Variants in STIP1 observed in about 807,000 individuals in gnomAD.
The protein encoded by STIP1 is stress-induced-phosphoprotein 1.
Under a neutral mutation model 77.4 loss-of-function variants are expected in STIP1, and 16 were observed. That is an observed-to-expected ratio of 0.21 (90% confidence interval 0.14 to 0.31). STIP1 has a LOEUF of 0.31. STIP1 is among the 10% of genes least tolerant of loss of function. The probability of loss-of-function intolerance (pLI) is 1.00; values close to 1 mark genes in which losing one functional copy is unlikely to be tolerated. For synonymous variants in STIP1, 258 were observed against 246.6 expected, an observed-to-expected ratio of 1.05 and a Z score of -0.44; for missense variants, 524 against 684.8, an observed-to-expected ratio of 0.77 and a Z score of 2.62.
chr11:64,185,681 C>T, upstream of STIP1: 6 of 1,177,960 alleles, frequency 5.1e-6, no homozygotes, highest in Middle Eastern at 2.6e-4. Flanking sequence ...CAGCTACAGA[C>T]CCCGACTGCA....
At chr11:64,190,672 A>G (rs553669902) in intron 1 of STIP1, among the ~76,000 whole-genome samples, 1 of 152,332 alleles carries the variant, frequency 6.6e-6, no homozygotes, top group East Asian at 1.9e-4. Context: ...AGAATGAGTT[A>G]GTAACTTCGG....
rs374883320 is a variant in STIP1, at chr11:64,196,799, G to T, written c.673-472G>T. ...GTCTCAGCTGGAAAAAGGCCCTCCA[G>T]TGTGGGCGGTAGTGAGCTTTGCTGA... is the stretch of plus-strand genomic sequence containing the variant. On this transcript the variant is annotated intron_variant, in intron 5 of 13. Transcript: ENST00000305218. 1.3e-4 allele frequency: 20 copies of T among 159,682 alleles called. No homozygotes were observed. The East Asian group carries it at 2.2e-3, about 17-fold the overall frequency. The allele number at this position is 159,682 out of a possible 1,614,324, so 9.9% of individuals were successfully genotyped here.
In STIP1 at chr11:64,204,050, G is replaced by A; in HGVS notation, c.1560-4G>A. On this transcript the variant is annotated splice_region_variant and splice_polypyrimidine_tract_variant and intron_variant, in intron 13 of 13. Transcript: ENST00000305218. ...ATTTCAAGTAACTGCGTCTTCCTCTGTAGACACTTAAAGAATCCTGTAATA... is the reference window on the plus strand; with the variant it reads ...ATTTCAAGTAACTGCGTCTTCCTCTATAGACACTTAAAGAATCCTGTAATA... 6.2e-7 allele frequency: 1 copy of A among 1,614,120 alleles called. No individual in the cohort carries two copies. Among genetic ancestry groups the A allele is most frequent in the Non-Finnish European group, 8.5e-7 (1 of 1,180,000 alleles).
At chr11:64,188,463 C>G (rs1173938357) in intron 1 of STIP1, among the ~76,000 whole-genome samples, 1 of 152,092 alleles carries the variant, frequency 6.6e-6, no homozygotes, top group Non-Finnish European at 1.5e-5. Context: ...TCATAGCTCA[C>G]TGCAGCCTCA....
intron 9 of STIP1, 36 bp downstream of exon 9, chr11:64,200,072 C>G (rs1305278998): frequency 6.2e-7 from 1 of 1,613,882 alleles, no homozygotes; most frequent in South Asian, 1.1e-5. Context: ...GGGAGCAGTG[C>G]TGGGTGTGCC....
intron 10 of STIP1, among the ~76,000 whole-genome samples, chr11:64,200,590 C>CTT (rs1491134613): frequency 7.1e-6 from 1 of 141,208 alleles, no homozygotes; most frequent in African/African-American, 2.7e-5. Flanking sequence ...TCTAACTGGT[C>CTT]GTGTGTGTGT....
At chr11:64,197,811 ATC>A (rs775793885) in intron 7 of STIP1, 41 bp from the exon 8 acceptor site, 4 of 1,595,512 alleles carry the variant, frequency 2.5e-6, no homozygotes, top group African/African-American at 1.4e-5. Context: ...AGCTGACTTT[ATC>A]TCTCTGTCCT....
At chr11:64,188,573 C>T (rs987829271) in intron 1 of STIP1, among the ~76,000 whole-genome samples, 6 of 152,114 alleles carry the variant, frequency 3.9e-5, no homozygotes, top group Non-Finnish European at 1.5e-5. Context: ...AGACGGGGCT[C>T]TTGCTGTTTC....
intron 8 of STIP1, among the ~76,000 whole-genome samples, chr11:64,198,515 A>G (rs955572665): frequency 1.3e-5 from 2 of 152,008 alleles, no homozygotes; most frequent in African/African-American, 4.8e-5. Flanking sequence ...ACGTCCAGCT[A>G]ATTTTTTTAT....
In STIP1 at chr11:64,195,679, A is replaced by G; in HGVS notation, c.538A>G (p.Ser180Gly). Residue 180 changes from serine to glycine, a missense_variant, in exon 5 of 14, where the codon AGC becomes GGC. Coordinates refer to ENST00000305218, the MANE Select transcript of STIP1 (RefSeq NM_006819.3). ...AGATCCCCGGATCATGACCACTCTC[A>G]GCGTCCTCCTTGGGGTCGATCTGGG... is the stretch of plus-strand genomic sequence containing the variant. Reference protein sequence around the residue: ...LQDPRIMTTLSVLLGVDLGSM... With the variant: ...LQDPRIMTTLGVLLGVDLGSM... The G allele has an allele frequency of 6.2e-7, 1 of 1,613,952 alleles. No individual in the cohort carries two copies. The highest frequency in any genetic ancestry group is 1.3e-5 in the African/African-American group (1 of 75,030).
At chr11:64,193,791 AAAAG>A (rs1946118065) in intron 2 of STIP1, among the ~76,000 whole-genome samples, 2 of 152,174 alleles carry the variant, frequency 1.3e-5, no homozygotes, top group African/African-American at 4.8e-5. Flanking sequence ...GTCTCAAAAA[AAAAG>A]GAAGAGGCCC....
At chr11:64,191,033 C>G (rs1400481587) in intron 1 of STIP1, among the ~76,000 whole-genome samples, 2 of 151,822 alleles carry the variant, frequency 1.3e-5, no homozygotes, top group Non-Finnish European at 2.9e-5. Context: ...ACTAAAAATA[C>G]AAAATTAGAC....
At chr11:64,185,674 C>A (rs1260284774), upstream of STIP1, 2 of 1,117,650 alleles carry the variant, frequency 1.8e-6, no homozygotes, top group East Asian at 5.2e-5. Flanking sequence ...GGCGACACAG[C>A]TACAGACCCC....
At chr11:64,200,796 C>T (rs189061695) in intron 10 of STIP1, among the ~76,000 whole-genome samples, 121 of 152,038 alleles carry the variant, frequency 8.0e-4, no homozygotes, top group East Asian at 3.9e-4. Context: ...CATGTGGTGT[C>T]TGTGTTTACT....
intron 1 of STIP1, among the ~76,000 whole-genome samples, chr11:64,187,304 C>T (rs896371334): frequency 6.6e-6 from 1 of 152,140 alleles, no homozygotes; most frequent in African/African-American, 2.4e-5. Flanking sequence ...GAAACCTCTA[C>T]CAACCTCCGA....
intron 1 of STIP1, among the ~76,000 whole-genome samples, chr11:64,187,867 T>G (rs1300013324): frequency 1.3e-5 from 2 of 150,872 alleles, no homozygotes; most frequent in Non-Finnish European, 2.9e-5. Context: ...TAGCCGGGCG[T>G]GGTGGCGGGA....
chr11:64,197,630 C>T (rs748107564), intron 7 of STIP1, 35 bp downstream of exon 7: 44 of 1,610,768 alleles, frequency 2.7e-5, no homozygotes, highest in Middle Eastern at 1.6e-4. Context: ...TTGAGTAGCG[C>T]GGAGGGTTTG....
intron 1 of STIP1, among the ~76,000 whole-genome samples, chr11:64,188,102 T>G (rs1946047412): frequency 6.6e-6 from 1 of 150,580 alleles, no homozygotes. Context: ...ATCCTAGCAC[T>G]TTGGGAGGCC....
intron 10 of STIP1, among the ~76,000 whole-genome samples, chr11:64,201,540 C>T (rs1484032983): frequency 6.6e-6 from 1 of 152,132 alleles, no homozygotes; most frequent in Non-Finnish European, 1.5e-5. Context: ...TTTTTTTTGA[C>T]TGTTCTCTAG....
Sources: allele counts gnomAD v4.1 joint callset (sites outside exome capture counted in the v4.1 genomes callset), GRCh38; gene constraint gnomAD v4.1.1; transcripts MANE v1.5; gene names NCBI Gene and HGNC (gene_info 2026-07-23, HGNC 2026-07-21).